Variants in NTM observed in about 807,000 individuals in gnomAD.
The protein encoded by NTM is neurotrimin.
In NTM, 13 loss-of-function variants were observed where a neutral mutation model predicts 42.1. The observed-to-expected ratio is 0.31, with a 90% CI of 0.20 to 0.49. The LOEUF (loss-of-function observed/expected upper bound fraction) is 0.49. Among genes scored for constraint, NTM ranks in the 20% least tolerant of loss-of-function variants. The probability of loss-of-function intolerance (pLI) is 0.99; values close to 1 mark genes in which losing one functional copy is unlikely to be tolerated. For synonymous variants in NTM, 187 were observed against 179.2 expected, an observed-to-expected ratio of 1.04 and a Z score of -0.35; for missense variants, 373 against 452.8, an observed-to-expected ratio of 0.82 and a Z score of 1.60.
At chr11:132,330,311 C>T (rs1305974214) in intron 8 of NTM, 126 bp downstream of exon 8, 7 of 959,254 alleles carry the variant, frequency 7.3e-6, no homozygotes, top group Non-Finnish European at 1.1e-5. Flanking sequence ...AACCCTCCCC[C>T]AACCTTCAAC....
At chr11:132,079,308 G>C (rs183650348) in intron 2 of NTM, among the ~76,000 whole-genome samples, 1 of 152,344 alleles carries the variant, frequency 6.6e-6, no homozygotes, top group Admixed American at 6.5e-5. Flanking sequence ...GTGTGAGGTA[G>C]ATGTGGAGTT....
chr11:131,444,846 G>A (rs761468710), intron 1 of NTM, among the ~76,000 whole-genome samples: 14 of 152,196 alleles, frequency 9.2e-5, no homozygotes, highest in Non-Finnish European at 1.9e-4. Context: ...AAGGTTATAT[G>A]TGGGTACAAA....
At chr11:132,069,195 C>T (rs1294207347) in intron 2 of NTM, among the ~76,000 whole-genome samples, 14 of 151,438 alleles carry the variant, frequency 9.2e-5, no homozygotes, top group South Asian at 4.2e-4. Flanking sequence ...CAAGTTAACA[C>T]GTCAAACTGA....
At chr11:131,813,859 C>T (rs1416239776) in intron 1 of NTM, among the ~76,000 whole-genome samples, 3 of 152,070 alleles carry the variant, frequency 2.0e-5, no homozygotes, top group Non-Finnish European at 4.4e-5. Flanking sequence ...AGTTGTGAGG[C>T]CTTGGGGGAG....
chr11:131,910,861 C>T (rs1474481986), intron 1 of NTM: 4 of 985,074 alleles, frequency 4.1e-6, no homozygotes, highest in Middle Eastern at 5.2e-4. Context: ...TTGACCGAGG[C>T]GGCTGCCGCA....
intron 1 of NTM, among the ~76,000 whole-genome samples, chr11:131,819,755 G>A (rs956459628): frequency 6.6e-6 from 1 of 152,150 alleles, no homozygotes; most frequent in Admixed American, 6.5e-5. Flanking sequence ...CGTGTTCGGG[G>A]CTGTGACAGA....
chr11:131,496,461 T>G (rs1332496037), intron 1 of NTM, among the ~76,000 whole-genome samples: 1 of 152,072 alleles, frequency 6.6e-6, no homozygotes, highest in Admixed American at 6.5e-5. Flanking sequence ...GACAAAGCAG[T>G]GGGAAAAATC....
intron 1 of NTM, among the ~76,000 whole-genome samples, chr11:131,696,980 G>A (rs972034568): frequency 2.6e-5 from 4 of 152,304 alleles, no homozygotes; most frequent in South Asian, 4.1e-4. Context: ...ACAAGAACCC[G>A]TTTCGTTAGT....
At chr11:131,563,329 T>C (rs1328445546) in intron 1 of NTM, among the ~76,000 whole-genome samples, 1 of 151,890 alleles carries the variant, frequency 6.6e-6, no homozygotes. Context: ...TATCGGGTAG[T>C]GGGAAAAAAA....
intron 2 of NTM, among the ~76,000 whole-genome samples, chr11:131,932,263 A>T (rs1210450705): frequency 6.6e-6 from 1 of 152,196 alleles, no homozygotes; most frequent in Non-Finnish European, 1.5e-5. Flanking sequence ...CATGCTGTGG[A>T]GTGGGGCGGG....
At chr11:131,767,986 C>G (rs1376519425) in intron 1 of NTM, among the ~76,000 whole-genome samples, 1 of 151,872 alleles carries the variant, frequency 6.6e-6, no homozygotes, top group Non-Finnish European at 1.5e-5. Context: ...GGAGGAAATT[C>G]CGGTGTCCAT....
At chr11:131,848,569 C>T (rs2045190822) in intron 1 of NTM, among the ~76,000 whole-genome samples, 1 of 152,244 alleles carries the variant, frequency 6.6e-6, no homozygotes, top group African/African-American at 2.4e-5. Flanking sequence ...CACTTCACTG[C>T]TTCTTGAAGA....
intron 1 of NTM, among the ~76,000 whole-genome samples, chr11:131,722,103 AAC>A (rs2078431483): frequency 6.6e-6 from 1 of 152,138 alleles, no homozygotes; most frequent in Non-Finnish European, 1.5e-5. Flanking sequence ...TAAAGCAACA[AAC>A]ACAATGCTTG....
chr11:131,542,033 C>T (rs1275280453), intron 1 of NTM, among the ~76,000 whole-genome samples: 1 of 152,144 alleles, frequency 6.6e-6, no homozygotes, highest in Admixed American at 6.6e-5. Flanking sequence ...TTACTGGTAG[C>T]TACAGCATGC....
intron 1 of NTM, among the ~76,000 whole-genome samples, chr11:131,512,043 G>C (rs1371989080): frequency 2.0e-5 from 3 of 151,938 alleles, no homozygotes; most frequent in Non-Finnish European, 2.9e-5. Flanking sequence ...AACAGCACAG[G>C]GTCTAGACAG....
intron 2 of NTM, among the ~76,000 whole-genome samples, chr11:132,076,906 A>G (rs1025053276): frequency 7.9e-5 from 12 of 152,158 alleles, no homozygotes; most frequent in African/African-American, 2.7e-4. Flanking sequence ...ATTGTGTCTC[A>G]TGTTTTCTTT....
intron 4 of NTM, among the ~76,000 whole-genome samples, chr11:132,248,719 G>A (rs2091552210): frequency 6.6e-6 from 1 of 152,204 alleles, no homozygotes; most frequent in Non-Finnish European, 1.5e-5. Flanking sequence ...AGCAATTTCA[G>A]CTGAAGGCAG....
At chr11:131,784,533 T>C (rs780050591) in intron 1 of NTM, among the ~76,000 whole-genome samples, 19 of 152,102 alleles carry the variant, frequency 1.2e-4, no homozygotes, top group Non-Finnish European at 2.6e-4. Flanking sequence ...CATGTAAAGC[T>C]CTAGAATAGG....
At chr11:132,296,690 TGTGAA>T (rs773794895) in intron 4 of NTM, among the ~76,000 whole-genome samples, 1 of 152,210 alleles carries the variant, frequency 6.6e-6, no homozygotes, top group Non-Finnish European at 1.5e-5. Flanking sequence ...TTAGATTTTA[TGTGAA>T]GTGAAGTAGA....
Sources: gnomAD v4.1 joint callset for allele counts (sites outside exome capture counted in the v4.1 genomes callset) on GRCh38, gnomAD v4.1.1 for gene constraint, MANE v1.5 for transcripts, NCBI Gene and HGNC (gene_info 2026-07-23, HGNC 2026-07-21) for gene names.